The following KDM1A variants were observed in gnomAD, a reference collection of about 807,000 sequenced individuals.
KDM1A encodes the protein lysine-specific histone demethylase 1A.
A neutral mutation model predicts 109.4 loss-of-function variants in KDM1A; 49 were observed. The observed-to-expected ratio is 0.45, with a 90% CI of 0.36 to 0.57. The LOEUF (loss-of-function observed/expected upper bound fraction) is 0.57. Ranked by LOEUF, KDM1A falls within the 20% of genes least tolerant of loss-of-function variation. The probability of loss-of-function intolerance (pLI) is 0.00; values close to 1 mark genes in which losing one functional copy is unlikely to be tolerated. For missense variants in KDM1A, 668 were observed against 1,116.6 expected, an observed-to-expected ratio of 0.60 and a Z score of 5.73; for synonymous variants, 380 against 415.4, an observed-to-expected ratio of 0.91 and a Z score of 1.04.
intron 2 of KDM1A, among the ~76,000 whole-genome samples, chr1:23,041,805 T>C (rs1381830954): frequency 6.6e-6 from 1 of 152,000 alleles, no homozygotes; most frequent in Non-Finnish European, 1.5e-5. Context: ...CTTTGCAGGG[T>C]ATTGAATATT....
At chr1:23,082,469 C>A in intron 20 of KDM1A, 103 bp downstream of exon 20, 1 of 1,119,188 alleles carries the variant, frequency 8.9e-7, no homozygotes, top group Non-Finnish European at 1.2e-6. Flanking sequence ...ATTCCATCTT[C>A]GGACCCTTTC....
At chr1:23,068,769 T>G in intron 11 of KDM1A, 88 bp downstream of exon 11, 7 of 1,189,704 alleles carry the variant, frequency 5.9e-6, no homozygotes, top group Non-Finnish European at 8.0e-6. Flanking sequence ...CAAGTCTTGT[T>G]TGAGGTAGTT....
Position 23,082,248 on chromosome 1 carries a change from G to A in KDM1A, c.2327G>A (p.Arg776His). Residue 776 changes from arginine to histidine, a missense_variant, in exon 20 of 21, where the codon CGT (arginine) becomes CAT (histidine). By Grantham distance (29) the Arg-to-His change is conservative. Around this residue, in one of 8 missense-constraint regions of KDM1A, gnomAD observed 162 missense variants for 376.4 expected, o/e 0.43. Coordinates refer to ENST00000400181, the MANE Select transcript of KDM1A (RefSeq NM_001009999.3). ...AAAGAAACTGTGGTGTCTCGTTGGC[G>A]TGCTGATCCCTGGGCTCGGGGCTCT... ...QPKETVVSRW[R>H]ADPWARGSYS... The A allele has an allele frequency of 1.9e-6, 3 of 1,613,670 alleles. No individual in the cohort carries two copies. Among genetic ancestry groups the A allele is most frequent in the South Asian group, 1.1e-5 (1 of 91,006 alleles).
At chr1:23,047,705 A>T (rs1364757600) in intron 3 of KDM1A, among the ~76,000 whole-genome samples, 2 of 152,154 alleles carry the variant, frequency 1.3e-5, no homozygotes, top group Non-Finnish European at 2.9e-5. Flanking sequence ...GTTTGAGACC[A>T]GCCTGGGCAA....
At chr1:23,039,463 G>A (rs1300522611) in intron 2 of KDM1A, among the ~76,000 whole-genome samples, 1 of 152,078 alleles carries the variant, frequency 6.6e-6, no homozygotes, top group Admixed American at 6.5e-5. Context: ...GTACAAAGTG[G>A]CCAGATTAGT....
At chr1:23,062,218 A>C (rs763301152) in intron 9 of KDM1A, among the ~76,000 whole-genome samples, 3 of 152,170 alleles carry the variant, frequency 2.0e-5, no homozygotes, top group African/African-American at 4.8e-5. Flanking sequence ...CCTGGCTGAC[A>C]TTTCAGGGAA....
At chr1:23,080,633 C>T (rs1231808550) in intron 18 of KDM1A, among the ~76,000 whole-genome samples, 1 of 152,178 alleles carries the variant, frequency 6.6e-6, no homozygotes, top group Non-Finnish European at 1.5e-5. Context: ...GTTCTCACAT[C>T]CTGGAAGGCA....
intron 5 of KDM1A, among the ~76,000 whole-genome samples, chr1:23,054,527 C>G (rs984168954): frequency 2.0e-5 from 3 of 152,148 alleles, no homozygotes; most frequent in Non-Finnish European, 2.9e-5. Context: ...CTTCTGTTGC[C>G]CAGGCTGGAG....
chr1:23,050,339 T>C (rs1569724156), intron 3 of KDM1A, 48 bp from the exon 4 acceptor site: 1 of 1,563,044 alleles, frequency 6.4e-7, no homozygotes, highest in East Asian at 2.3e-5. Context: ...ACTACCCGTT[T>C]TGTATTCACT....
At chr1:23,024,729 A>G (rs1641742713) in intron 1 of KDM1A, among the ~76,000 whole-genome samples, 1 of 152,230 alleles carries the variant, frequency 6.6e-6, no homozygotes, top group Non-Finnish European at 1.5e-5. Flanking sequence ...CAGAATTTAG[A>G]AAAGTGTTCT....
intron 18 of KDM1A, chr1:23,081,184 C>A: frequency 2.5e-6 from 1 of 395,446 alleles, no homozygotes; most frequent in Non-Finnish European, 4.6e-6. Context: ...TTCAGAACTG[C>A]TGTATTTTGC....
intron 3 of KDM1A, among the ~76,000 whole-genome samples, chr1:23,044,702 CTT>C (rs1053900316): frequency 5.3e-5 from 8 of 152,298 alleles, no homozygotes; most frequent in South Asian, 2.1e-4. Flanking sequence ...GCCCTCCACT[CTT>C]TGTGTTTTCG....
At chr1:23,073,235 C>A (rs1252209384) in intron 14 of KDM1A, 57 bp from the exon 15 acceptor site, 4 of 914,772 alleles carry the variant, frequency 4.4e-6, no homozygotes. Context: ...ACCTACATCA[C>A]ACTGAGAGAA....
intron 9 of KDM1A, among the ~76,000 whole-genome samples, chr1:23,060,592 G>T (rs141519844): frequency 1.3e-5 from 2 of 152,162 alleles, no homozygotes; most frequent in African/African-American, 4.8e-5. Context: ...GAGGGAAGGA[G>T]AGCATTTGTA....
intron 4 of KDM1A, among the ~76,000 whole-genome samples, chr1:23,052,152 C>G (rs970052846): frequency 6.6e-6 from 1 of 152,112 alleles, no homozygotes; most frequent in Non-Finnish European, 1.5e-5. Context: ...CACCAAAAAT[C>G]CAGATTTGGG....
intron 3 of KDM1A, among the ~76,000 whole-genome samples, chr1:23,047,587 T>C (rs1469030250): frequency 1.3e-5 from 2 of 152,182 alleles, no homozygotes; most frequent in Non-Finnish European, 2.9e-5. Flanking sequence ...ATTAGCCAAC[T>C]ACATTAGAGT....
intron 2 of KDM1A, among the ~76,000 whole-genome samples, chr1:23,041,112 T>C (rs1195747773): frequency 6.6e-6 from 1 of 152,172 alleles, no homozygotes; most frequent in Admixed American, 6.5e-5. Context: ...AAAAGTTAGC[T>C]GCAAGCAGTG....
At chr1:23,047,339 A>G (rs1488192280) in intron 3 of KDM1A, among the ~76,000 whole-genome samples, 1 of 152,116 alleles carries the variant, frequency 6.6e-6, no homozygotes, top group Non-Finnish European at 1.5e-5. Flanking sequence ...TTTAGAGACC[A>G]TTTTTCATTT....
At chr1:23,051,106 T>G (rs1373125109) in intron 4 of KDM1A, among the ~76,000 whole-genome samples, 7 of 152,110 alleles carry the variant, frequency 4.6e-5, no homozygotes, top group African/African-American at 1.7e-4. Flanking sequence ...ACAAAAACCT[T>G]TAAGCATTAA....
Sources: gnomAD v4.1 joint callset for allele counts (sites outside exome capture counted in the v4.1 genomes callset) on GRCh38, gnomAD v4.1.1 for gene constraint, gnomAD v4.1.1 regional missense constraint, MANE v1.5 for transcripts, NCBI Gene and HGNC (gene_info 2026-07-23, HGNC 2026-07-21) for gene names.